The following COL6A5 variants were observed in gnomAD, a reference collection of about 807,000 sequenced individuals.
COL6A5 encodes the protein collagen type VI alpha 5 chain, also known as collagen alpha-5(VI) chain.
Under a neutral mutation model 65.6 loss-of-function variants are expected in COL6A5, and 48 were observed. That is an observed-to-expected ratio of 0.73 (90% CI 0.58 to 0.93). The LOEUF is 0.93. COL6A5 is among the 40% of genes least tolerant of loss of function. COL6A5 has a pLI of 0.00. For missense variants in COL6A5, 914 were observed against 928.3 expected, an observed-to-expected ratio of 0.98 and a Z score of 0.20; for synonymous variants, 291 against 322.8, an observed-to-expected ratio of 0.90 and a Z score of 1.05.
At chr3:130,361,666 G>C (rs1005635206) in intron 1 of COL6A5, among the ~76,000 whole-genome samples, 1 of 152,012 alleles carries the variant, frequency 6.6e-6, no homozygotes, top group Non-Finnish European at 1.5e-5. Context: ...TTCCAAAGTG[G>C]CTGTGCCATT....
At chr3:130,475,838 T>A (rs1445058950) in intron 7 of COL6A5, among the ~76,000 whole-genome samples, 1 of 152,122 alleles carries the variant, frequency 6.6e-6, no homozygotes, top group Non-Finnish European at 1.5e-5. Flanking sequence ...ATACCCATTA[T>A]CTCATTGGAT....
At position 130,447,602 on chromosome 3, in the gene COL6A5, G is replaced by A. The variant is rs190610973; in HGVS notation, c.1332+4036G>A. Among the ~76,000 whole-genome samples, 267 of 152,210 alleles carry A rather than the reference G, an allele frequency of 1.8e-3. 1 individual carries two copies. The highest frequency in any genetic ancestry group is 6.1e-3 in the African/African-American group (254 of 41,536). On this transcript the variant is annotated intron_variant, in intron 4 of 7. Transcript: ENST00000512836. The stretch of plus-strand genomic sequence containing the variant: ...GTAATATAGAAAGGGTGTCTATGTT[G>A]GCAAACCGCGTGTTGTAACCTTGAA...
chr3:130,383,142 A>G (rs1425407464), intron 4 of COL6A5, among the ~76,000 whole-genome samples: 1 of 152,106 alleles, frequency 6.6e-6, no homozygotes, highest in African/African-American at 2.4e-5. Flanking sequence ...CAAGGGACAC[A>G]TTCTTTGGCA....
At chr3:130,455,933 GGTTA>G in intron 5 of COL6A5, among the ~76,000 whole-genome samples, 1 of 152,068 alleles carries the variant, frequency 6.6e-6, no homozygotes, top group Non-Finnish European at 1.5e-5. Context: ...CAGTTTAGAA[GGTTA>G]GTATGATGTA....
intron 24 of COL6A5, among the ~76,000 whole-genome samples, chr3:130,417,594 C>T (rs1184805748): frequency 6.6e-6 from 1 of 152,128 alleles, no homozygotes; most frequent in Non-Finnish European, 1.5e-5. Flanking sequence ...CATCAGAACT[C>T]AAATCCGTTG....
At chr3:130,465,052 T>G (rs1361318260) in intron 5 of COL6A5, among the ~76,000 whole-genome samples, 1 of 152,084 alleles carries the variant, frequency 6.6e-6, no homozygotes, top group Non-Finnish European at 1.5e-5. Context: ...TTTAAGACAC[T>G]GGACATTAGG....
chr3:130,408,352 T>A (rs964496999), intron 17 of COL6A5, among the ~76,000 whole-genome samples: 1 of 152,116 alleles, frequency 6.6e-6, no homozygotes, highest in African/African-American at 2.4e-5. Flanking sequence ...AGATAAGGGA[T>A]GAAATACGCC....
intron 20 of COL6A5, among the ~76,000 whole-genome samples, chr3:130,413,183 C>T (rs909100007): frequency 1.6e-4 from 25 of 151,926 alleles, no homozygotes; most frequent in African/African-American, 6.0e-4. Flanking sequence ...AGCTCTTCTC[C>T]CATGGGAAGG....
At chr3:130,458,187 C>G (rs1396153411) in intron 5 of COL6A5, among the ~76,000 whole-genome samples, 1 of 152,040 alleles carries the variant, frequency 6.6e-6, no homozygotes, top group Non-Finnish European at 1.5e-5. Flanking sequence ...ATTCTACCAC[C>G]TTTCCTGGCC....
At chr3:130,406,370 A>T in intron 17 of COL6A5, 49 bp downstream of exon 17, 1 of 1,431,478 alleles carries the variant, frequency 7.0e-7, no homozygotes, top group Non-Finnish European at 9.6e-7. Context: ...TTGGTGACAG[A>T]GACAGTCTTA....
intron 5 of COL6A5, among the ~76,000 whole-genome samples, chr3:130,462,004 A>C (rs16828318): frequency 0.1 from 15,166 of 152,042 alleles, 1,624 homozygotes; most frequent in East Asian, 0.39. Flanking sequence ...TAGGCCAAAA[A>C]GACATGAATT....
chr3:130,469,589 G>A, intron 6 of COL6A5, 108 bp downstream of exon 38: 1 of 853,164 alleles, frequency 1.2e-6, no homozygotes, highest in South Asian at 1.9e-5. Flanking sequence ...AAGAGTGGTA[G>A]AGTATAAGTG....
At chr3:130,391,222 T>C in exon 7 of COL6A5, 1 of 1,551,554 alleles carries the variant, frequency 6.4e-7, no homozygotes, top group Non-Finnish European at 8.7e-7. Context: ...TTGTGCTGGA[T>C]CATTCAGGTA....
In COL6A5 at chr3:130,395,006, A is replaced by G. The variant is rs1014222019; in HGVS notation, c.3109A>G (p.Ile1037Val). ...GTCAGACTTAATCGATAATTTTGAC[A>G]TTCAGTCTCAAAGAATGAAAATTGG... The change falls in exon 8 of 42, where the codon ATT becomes GTT. Residue 1037 changes from isoleucine to valine, a missense_variant and NMD_transcript_variant. By Grantham distance (29) the Ile-to-Val change is conservative. Transcript: ENST00000312481. 5 of 1,551,398 alleles carry G rather than the reference A, an allele frequency of 3.2e-6. No homozygotes were observed. Among genetic ancestry groups the G allele is most frequent in the Non-Finnish European group, 4.4e-6 (5 of 1,146,792 alleles).
At chr3:130,413,437 G>C (rs2107676633) in intron 20 of COL6A5, 108 bp from the exon 21 acceptor site, 3 of 1,017,868 alleles carry the variant, frequency 2.9e-6, no homozygotes, top group Admixed American at 2.1e-5. Context: ...CTGTTTCTGT[G>C]AGCTGCTCAT....
chr3:130,393,980 C>T (rs932986919), intron 7 of COL6A5, among the ~76,000 whole-genome samples: 3 of 149,342 alleles, frequency 2.0e-5, no homozygotes, highest in Non-Finnish European at 4.4e-5. Flanking sequence ...CCGGGCAGCC[C>T]ATCTTTGTGT....
At chr3:130,424,936 G>C (rs1937576374) in intron 29 of COL6A5, among the ~76,000 whole-genome samples, 1 of 152,022 alleles carries the variant, frequency 6.6e-6, no homozygotes, top group South Asian at 2.1e-4. Flanking sequence ...TTTGTCTCAA[G>C]CTCTTGATCC....
chr3:130,453,529 A>G (rs1394316299), intron 4 of COL6A5, among the ~76,000 whole-genome samples: 1 of 152,142 alleles, frequency 6.6e-6, no homozygotes, highest in East Asian at 1.9e-4. Context: ...TTCATGTTTC[A>G]TCCCCAAAAG....
At chr3:130,416,659 A>C in intron 23 of COL6A5, 98 bp from the exon 24 acceptor site, 1 of 720,784 alleles carries the variant, frequency 1.4e-6, no homozygotes, top group Middle Eastern at 2.3e-4. Context: ...TGCATCAAGG[A>C]GTTGTTGGGA....
Sources: allele counts gnomAD v4.1 joint callset (sites outside exome capture counted in the v4.1 genomes callset), GRCh38; gene constraint gnomAD v4.1.1; transcripts MANE v1.5; gene names NCBI Gene and HGNC (gene_info 2026-07-23, HGNC 2026-07-21).